Variants in ARFGEF1 observed in about 807,000 individuals in gnomAD.
ARFGEF1 encodes the protein brefeldin A-inhibited guanine nucleotide-exchange protein 1.
A neutral mutation model predicts 231.0 loss-of-function variants in ARFGEF1; 42 were observed. The observed-to-expected ratio is 0.18, with a 90% confidence interval of 0.14 to 0.24. The LOEUF (loss-of-function observed/expected upper bound fraction) is 0.24, where lower values mean the gene tolerates loss of function less well. ARFGEF1 is among the 10% of genes least tolerant of loss of function. The pLI, the probability that ARFGEF1 is intolerant of heterozygous loss-of-function variation, is 1.00. For missense variants in ARFGEF1, 1,345 were observed against 2,192.0 expected (o/e 0.61, Z 7.72); for synonymous variants, 710 against 732.3 (o/e 0.97, Z 0.49).
intron 7 of ARFGEF1, among the ~76,000 whole-genome samples, chr8:67,286,672 T>C (rs957233107): frequency 3.7e-4 from 56 of 152,314 alleles, no homozygotes; most frequent in African/African-American, 1.2e-3. Context: ...CATGTACTGC[T>C]ATTTTTTCTT....
Position 67,219,445 on chromosome 8 carries a change from C to T in ARFGEF1, c.4324G>A (p.Glu1442Lys). 6.2e-7 allele frequency: 1 copy of T among 1,610,240 alleles called. No individual in the cohort carries two copies. The highest frequency in any genetic ancestry group is 8.5e-7 in the Non-Finnish European group (1 of 1,178,704). The change falls in exon 30 of 39, where the codon GAA becomes AAA. Residue 1442 changes from glutamate (E) to lysine (K), a missense_variant. Around this residue, in one of 14 missense-constraint regions of ARFGEF1, gnomAD observed 18 missense variants for 63.5 expected, o/e 0.28. Transcript: ENST00000262215. ...TATCCTCTTACCTCTGTCTGTTGTT[C>T]TGGCAATTTCATATTGTCAAAGATT... ...FRIFDNMKLP[E>K]QQTEKAEWMT... is the part of the protein sequence containing the mutation.
chr8:67,273,461 C>T (rs1039327883), intron 9 of ARFGEF1, among the ~76,000 whole-genome samples: 8 of 136,946 alleles, frequency 5.8e-5, no homozygotes, highest in Admixed American at 3.7e-4. Context: ...CCAAATGCTG[C>T]TTTCAGTCAC....
intron 1 of ARFGEF1, among the ~76,000 whole-genome samples, chr8:67,323,631 T>C (rs1807695748): frequency 6.6e-6 from 1 of 152,154 alleles, no homozygotes; most frequent in African/African-American, 2.4e-5. Flanking sequence ...CCTAAATGCC[T>C]TCCTTTCTCT....
intron 18 of ARFGEF1, among the ~76,000 whole-genome samples, chr8:67,251,801 T>C (rs1840292952): frequency 6.6e-6 from 1 of 152,148 alleles, no homozygotes; most frequent in Non-Finnish European, 1.5e-5. Flanking sequence ...TGTTCATTTT[T>C]AAATGGCTAA....
chr8:67,264,220 C>A (rs1306545959), intron 14 of ARFGEF1, among the ~76,000 whole-genome samples: 1 of 151,898 alleles, frequency 6.6e-6, no homozygotes, highest in Non-Finnish European at 1.5e-5. Context: ...AAAGGTAAGC[C>A]AATTGAAAGA....
In ARFGEF1 at chr8:67,267,079, T is replaced by A. The variant is rs1344164355; in HGVS notation, c.1812+12A>T. On this transcript the variant is annotated intron_variant, in intron 12 of 38. Coordinates refer to ENST00000262215, the MANE Select transcript of ARFGEF1 (RefSeq NM_006421.5). ...TAAAGTTTAAATTTGAAAATGTTTT[T>A]ATAGTTCTTACCTGAACATTACTCA... 1.6e-5 allele frequency: 25 copies of A among 1,610,838 alleles called. No individual in the cohort carries two copies. Among genetic ancestry groups the A allele is most frequent in the Non-Finnish European group, 2.1e-5 (25 of 1,179,142 alleles).
At chr8:67,189,430 T>G (rs1835581822) in intron 5 of ARFGEF1, among the ~76,000 whole-genome samples, 1 of 152,178 alleles carries the variant, frequency 6.6e-6, no homozygotes, top group Non-Finnish European at 1.5e-5. Flanking sequence ...TTTTCAGCAC[T>G]AAAACAAAAT....
chr8:67,186,649 A>G (rs184414942), intron 5 of ARFGEF1, among the ~76,000 whole-genome samples: 176 of 152,338 alleles, frequency 1.2e-3, no homozygotes, highest in African/African-American at 3.9e-3. Flanking sequence ...ACTGATTAAC[A>G]TCATACTGGA....
chr8:67,184,943 C>CAAAAAAAA (rs796384901), intron 5 of ARFGEF1, among the ~76,000 whole-genome samples: 86 of 56,044 alleles, frequency 1.5e-3, no homozygotes, highest in Non-Finnish European at 1.6e-3. Context: ...ACTAAAAATA[C>CAAAAAAAA]AAAAAAAAAA....
At chr8:67,271,383 C>G (rs58715460) in intron 10 of ARFGEF1, among the ~76,000 whole-genome samples, 2 of 151,844 alleles carry the variant, frequency 1.3e-5, no homozygotes. Context: ...CAAATGTATT[C>G]GAATATACCA....
chr8:67,246,534 G>A (rs1347742681), intron 19 of ARFGEF1, among the ~76,000 whole-genome samples: 1 of 150,286 alleles, frequency 6.7e-6, no homozygotes, highest in Non-Finnish European at 1.5e-5. Context: ...AATTAAGAAG[G>A]AAATTGAAAA....
chr8:67,313,114 A>G (rs1807147273), intron 1 of ARFGEF1, among the ~76,000 whole-genome samples: 1 of 152,230 alleles, frequency 6.6e-6, no homozygotes, highest in Non-Finnish European at 1.5e-5. Flanking sequence ...GAAGACATTT[A>G]GCTGGGTGCG....
chr8:67,231,752 G>C (rs544851504), intron 23 of ARFGEF1, among the ~76,000 whole-genome samples: 7 of 152,148 alleles, frequency 4.6e-5, no homozygotes, highest in African/African-American at 1.7e-4. Context: ...CTAGTTGTGG[G>C]AATGAGCAAG....
chr8:67,229,744 T>G (rs913248946), intron 23 of ARFGEF1, among the ~76,000 whole-genome samples: 3 of 152,008 alleles, frequency 2.0e-5, no homozygotes, highest in Non-Finnish European at 4.4e-5. Context: ...CTAGAGGTAT[T>G]CTCATGGAAG....
intron 6 of ARFGEF1, 46 bp downstream of exon 6, chr8:67,291,801 C>T (rs1806022592): frequency 6.3e-7 from 1 of 1,581,022 alleles, no homozygotes; most frequent in Non-Finnish European, 8.6e-7. Context: ...CATTCCTACA[C>T]ATTTCCCTTA....
At chr8:67,321,933 G>A (rs1340046301) in intron 1 of ARFGEF1, among the ~76,000 whole-genome samples, 2 of 152,164 alleles carry the variant, frequency 1.3e-5, no homozygotes, top group African/African-American at 4.8e-5. Flanking sequence ...GCACACAAAA[G>A]CCTCCATGAT....
chr8:67,218,661 A>G (rs1392496855), intron 30 of ARFGEF1, among the ~76,000 whole-genome samples: 2 of 152,128 alleles, frequency 1.3e-5, no homozygotes, highest in Admixed American at 1.3e-4. Context: ...CCCATAAAAA[A>G]TAATTGCAGA....
intron 1 of ARFGEF1, among the ~76,000 whole-genome samples, chr8:67,322,463 C>G (rs573148407): frequency 6.6e-6 from 1 of 152,264 alleles, no homozygotes; most frequent in South Asian, 2.1e-4. Flanking sequence ...TTGGGAGGCC[C>G]AGTGGGGATG....
chr8:67,288,675 A>G (rs944627178), intron 6 of ARFGEF1, among the ~76,000 whole-genome samples: 1 of 151,980 alleles, frequency 6.6e-6, no homozygotes, highest in Non-Finnish European at 1.5e-5. Context: ...AGAGGTTGCA[A>G]TGAGCTGAGA....
Sources: allele counts gnomAD v4.1 joint callset (sites outside exome capture counted in the v4.1 genomes callset), GRCh38; gene constraint gnomAD v4.1.1; regional missense constraint gnomAD v4.1.1; transcripts MANE v1.5; gene names NCBI Gene and HGNC (gene_info 2026-07-23, HGNC 2026-07-21).